The following SEMA6D variants were observed in gnomAD, a reference collection of about 807,000 sequenced individuals.
SEMA6D encodes semaphorin-6D.
SEMA6D carries 35 observed loss-of-function variants against 106.6 expected under a neutral mutation model. The ratio of observed to expected loss-of-function variants is 0.33; its 90% CI spans 0.25 to 0.44. The LOEUF (loss-of-function observed/expected upper bound fraction) is 0.44. SEMA6D is among the 20% of genes least tolerant of loss of function. SEMA6D has a pLI of 1.00. For missense variants in SEMA6D, 1,185 were observed against 1,345.9 expected (o/e 0.88, Z 1.87); for synonymous variants, 499 against 487.7 (o/e 1.02, Z -0.31).
intron 1 of SEMA6D, among the ~76,000 whole-genome samples, chr15:47,209,308 G>T (rs955307384): frequency 1.3e-5 from 2 of 152,138 alleles, no homozygotes; most frequent in African/African-American, 4.8e-5. Flanking sequence ...ACCAATAAGA[G>T]AATATAGTAT....
At chr15:47,709,382 A>T (rs1274366000) in intron 4 of SEMA6D, among the ~76,000 whole-genome samples, 1 of 152,148 alleles carries the variant, frequency 6.6e-6, no homozygotes, top group Non-Finnish European at 1.5e-5. Context: ...AAGGCTCCTT[A>T]AATTACCAAA....
intron 3 of SEMA6D, among the ~76,000 whole-genome samples, chr15:47,519,883 A>G (rs1241076379): frequency 1.3e-5 from 2 of 152,198 alleles, no homozygotes; most frequent in African/African-American, 4.8e-5. Flanking sequence ...TGGTGTTGTC[A>G]TTATCGTCAT....
chr15:47,495,255 TA>T (rs982099712), intron 3 of SEMA6D, among the ~76,000 whole-genome samples: 10 of 151,798 alleles, frequency 6.6e-5, no homozygotes, highest in African/African-American at 2.2e-4. Flanking sequence ...TCCTTTGCTA[TA>T]TTTTTTTTTT....
At chr15:47,350,500 C>T (rs955621318) in intron 1 of SEMA6D, among the ~76,000 whole-genome samples, 9 of 152,170 alleles carry the variant, frequency 5.9e-5, no homozygotes, top group African/African-American at 2.2e-4. Flanking sequence ...CAGCAAACCA[C>T]AGACGCTTCA....
rs146030446 is a variant in SEMA6D, at chr15:47,186,487, A to C, written c.-239+2069A>C. On this transcript the variant is annotated intron_variant, in intron 1 of 19. Transcript: ENST00000558014. ...GTGTTCTCTCTCTCTCTTTTATCAT[A>C]ATGTTTATAACCTTAATGCTTTCAT... Among the ~76,000 whole-genome samples the C allele has an allele frequency of 6.7e-3, 1,012 of 152,010 alleles. 11 individuals are homozygous for C. Among genetic ancestry groups the C allele is most frequent in the Non-Finnish European group, 9.1e-3 (621 of 67,954 alleles).
At chr15:47,623,651 C>T (rs2077149400) in intron 4 of SEMA6D, among the ~76,000 whole-genome samples, 1 of 152,106 alleles carries the variant, frequency 6.6e-6, no homozygotes. Context: ...GAATGGTAGC[C>T]ATGACAGACA....
intron 1 of SEMA6D, among the ~76,000 whole-genome samples, chr15:47,381,069 G>C (rs1012620837): frequency 6.6e-6 from 1 of 152,260 alleles, no homozygotes; most frequent in African/African-American, 2.4e-5. Flanking sequence ...AATTAAGCCA[G>C]GCTGAAGCTA....
At chr15:47,554,373 C>A (rs2045855848) in intron 3 of SEMA6D, among the ~76,000 whole-genome samples, 1 of 152,172 alleles carries the variant, frequency 6.6e-6, no homozygotes, top group African/African-American at 2.4e-5. Flanking sequence ...AACTCAAGTT[C>A]TAAGTGAATG....
chr15:47,432,724 C>G lies in SEMA6D; in HGVS notation c.-159+20252C>G, dbSNP rs2041579232. The stretch of plus-strand genomic sequence containing the variant: ...GAGCTGAAAAGACCATGTGACCACA[C>G]TTGAGATGAAAAAGCAACTCTATAA... On this transcript the variant is annotated intron_variant, in intron 2 of 19. Transcript: ENST00000558014. Among the ~76,000 whole-genome samples the G allele has an allele frequency of 3.9e-5, 6 of 152,156 alleles. No homozygotes were observed. In the South Asian group the frequency reaches 1.2e-3, roughly 32 times the overall value.
intron 1 of SEMA6D, among the ~76,000 whole-genome samples, chr15:47,756,533 C>T (rs1039402330): frequency 6.6e-6 from 1 of 152,130 alleles, no homozygotes; most frequent in African/African-American, 2.4e-5. Context: ...GAAACTGAGG[C>T]TTAAAGAGAT....
chr15:47,633,242 A>G (rs1429192373), intron 4 of SEMA6D, among the ~76,000 whole-genome samples: 1 of 151,988 alleles, frequency 6.6e-6, no homozygotes, highest in African/African-American at 2.4e-5. Context: ...TGAGTTTCCA[A>G]ACTTTCTTCT....
intron 1 of SEMA6D, among the ~76,000 whole-genome samples, chr15:47,302,241 G>T (rs1005814900): frequency 6.6e-6 from 1 of 152,084 alleles, no homozygotes; most frequent in Non-Finnish European, 1.5e-5. Context: ...TCCTATAGTC[G>T]TTTGCTGCCC....
Position 47,761,013 on chromosome 15 carries a change from C to T in SEMA6D, c.257C>T (p.Pro86Leu), listed in dbSNP as rs771150512. 1.2e-6 allele frequency: 2 copies of T among 1,613,484 alleles called. No homozygotes were observed. Among genetic ancestry groups the T allele is most frequent in the South Asian group, 1.1e-5 (1 of 91,038 alleles). Reference sequence around the variant, plus strand: ...TATACAGTAAACTTAAATGAAATGCCCAAAACAGAAGTAATACCCAACAAG... The same window carrying T: ...TATACAGTAAACTTAAATGAAATGCTCAAAACAGAAGTAATACCCAACAAG... ...QVYTVNLNEM[P>L]KTEVIPNKKL... Residue 86 changes from proline (P) to leucine (L), a missense_variant, in exon 4 of 19, where the codon CCC (proline) becomes CTC (leucine). Physicochemically the swap from Pro to Leu is moderately conservative, Grantham distance 98. Transcript: ENST00000536845.
At chr15:47,185,990 A>C (rs1157166937) in intron 1 of SEMA6D, among the ~76,000 whole-genome samples, 1 of 152,080 alleles carries the variant, frequency 6.6e-6, no homozygotes, top group African/African-American at 2.4e-5. Context: ...GTATATATAA[A>C]TATATATGTA....
chr15:47,620,978 G>C (rs543325776), intron 4 of SEMA6D, among the ~76,000 whole-genome samples: 1 of 151,722 alleles, frequency 6.6e-6, no homozygotes, highest in Non-Finnish European at 1.5e-5. Flanking sequence ...CCCTAATGAA[G>C]AAGAAGAACA....
intron 4 of SEMA6D, among the ~76,000 whole-genome samples, chr15:47,624,499 C>T (rs959756197): frequency 6.6e-5 from 10 of 151,952 alleles, no homozygotes; most frequent in East Asian, 1.9e-4. Context: ...ATGGGGTTAC[C>T]GGAATTCTAG....
At position 47,426,493 on chromosome 15, in the gene SEMA6D, C is replaced by T. The variant is rs181877148; in HGVS notation, c.-159+14021C>T. On this transcript the variant is annotated intron_variant, in intron 2 of 19. Transcript: ENST00000558014. ...TCTTCTAGTCCGACATTGTGGGGTA[C>T]GTGAGGATGCGGTCTTTATATAGGG... is the stretch of plus-strand genomic sequence containing the variant. 3.6e-3 allele frequency among the ~76,000 whole-genome samples: 546 copies of T among 152,110 alleles called. 1 individual carries two copies. Among genetic ancestry groups the T allele is most frequent in the Non-Finnish European group, 3.6e-3 (247 of 67,970 alleles).
chr15:47,533,638 A>G (rs2045053035), intron 3 of SEMA6D, among the ~76,000 whole-genome samples: 1 of 152,272 alleles, frequency 6.6e-6, no homozygotes, highest in African/African-American at 2.4e-5. Context: ...GAGGGGGTGA[A>G]TGATGGCTAT....
intron 4 of SEMA6D, among the ~76,000 whole-genome samples, chr15:47,696,436 G>A (rs1419437390): frequency 3.3e-5 from 5 of 152,204 alleles, no homozygotes; most frequent in Non-Finnish European, 5.9e-5. Flanking sequence ...GGGACTGCAA[G>A]TCTCAGCAGT....
Sources: gnomAD v4.1 joint callset for allele counts (sites outside exome capture counted in the v4.1 genomes callset) on GRCh38, gnomAD v4.1.1 for gene constraint, MANE v1.5 for transcripts, NCBI Gene and HGNC (gene_info 2026-07-23, HGNC 2026-07-21) for gene names.